OPCML: variants seen among roughly 807,000 people sequenced by gnomAD.
OPCML encodes the protein opioid-binding protein/cell adhesion molecule.
A neutral mutation model predicts 37.8 loss-of-function variants in OPCML; 13 were observed. The ratio of observed to expected loss-of-function variants is 0.34; its 90% CI spans 0.22 to 0.55. OPCML has a LOEUF of 0.55. Among genes scored for constraint, OPCML ranks in the 20% least tolerant of loss-of-function variants. The pLI is 0.91. For missense variants in OPCML, 341 were observed against 435.6 expected (o/e 0.78, Z 1.93); for synonymous variants, 176 against 168.8 (o/e 1.04, Z -0.33).
chr11:132,436,687 C>T lies in OPCML; in HGVS notation c.736G>A (p.Glu246Lys), dbSNP rs1329936282. 6.2e-7 allele frequency: 1 copy of T among 1,614,188 alleles called. No homozygotes were observed. Among genetic ancestry groups the T allele is most frequent in the East Asian group, 2.2e-5 (1 of 44,868 alleles). ...SCEASAVPMA[E>K]FQWFKEETRL... Reference sequence around the variant, plus strand: ...GTTTCTTCCTTGAACCACTGGAATTCAGCCATGGGGACTGCAGAGGCTTCA... The same window carrying T: ...GTTTCTTCCTTGAACCACTGGAATTTAGCCATGGGGACTGCAGAGGCTTCA... The change falls in exon 6 of 8, where the codon GAA (glutamate) becomes AAA (lysine). Residue 246 changes from glutamate to lysine, a missense_variant. Coordinates refer to ENST00000524381, the MANE Select transcript of OPCML (RefSeq NM_001012393.5).
At chr11:133,434,823 T>TATATAC (rs1228363623) in intron 1 of OPCML, among the ~76,000 whole-genome samples, 15 of 140,642 alleles carry the variant, frequency 1.1e-4, no homozygotes, top group African/African-American at 3.5e-4. Flanking sequence ...TATATATATA[T>TATATAC]ACACACACAT....
At chr11:133,189,898 A>T (rs750124812) in intron 1 of OPCML, among the ~76,000 whole-genome samples, 38 of 152,202 alleles carry the variant, frequency 2.5e-4, no homozygotes, top group Non-Finnish European at 4.9e-4. Context: ...ACACTCTTCT[A>T]ATTGAACAGG....
At chr11:133,422,686 A>G in intron 1 of OPCML, 1 of 984,428 alleles carries the variant, frequency 1.0e-6, no homozygotes, top group Non-Finnish European at 1.2e-6. Flanking sequence ...TTATTATGTC[A>G]TGAGGAAATA....
chr11:133,351,847 T>C (rs1043016966), intron 1 of OPCML, among the ~76,000 whole-genome samples: 1 of 152,110 alleles, frequency 6.6e-6, no homozygotes, highest in African/African-American at 2.4e-5. Context: ...AACCTTGAGA[T>C]GCTTCAGTCT....
rs11223330 is a variant in OPCML at position 133,022,618 on chromosome 11, C to T, written c.62-79608G>A. On this transcript the variant is annotated intron_variant, in intron 1 of 7. Coordinates refer to ENST00000524381, the MANE Select transcript of OPCML (RefSeq NM_001012393.5). ...ATTTTTTAATATCTGTAATGTGCCA[C>T]CCAACCAAGGTGGAACAGAAGTCCA... 5.5e-4 allele frequency among the ~76,000 whole-genome samples: 84 copies of T among 152,088 alleles called. No homozygotes were observed. In the East Asian group the frequency reaches 0.013, roughly 23 times the overall value.
chr11:133,150,968 A>G (rs186488219), intron 1 of OPCML, among the ~76,000 whole-genome samples: 96 of 152,042 alleles, frequency 6.3e-4, no homozygotes, highest in Middle Eastern at 3.4e-3. Flanking sequence ...CTCCAAAGCT[A>G]TTTCAGAGAC....
intron 3 of OPCML, among the ~76,000 whole-genome samples, chr11:132,577,608 T>A (rs1053406596): frequency 6.6e-6 from 1 of 152,108 alleles, no homozygotes; most frequent in African/African-American, 2.4e-5. Flanking sequence ...AAACTATGAG[T>A]CATTTTATTT....
intron 1 of OPCML, chr11:133,423,182 A>C (rs1945928408): frequency 1.6e-5 from 16 of 985,056 alleles, no homozygotes; most frequent in Non-Finnish European, 1.8e-5. Flanking sequence ...AAGAATTTTA[A>C]CTTTATTCTT....
chr11:132,931,300 A>T (rs2136630703), intron 2 of OPCML, among the ~76,000 whole-genome samples: 1 of 152,304 alleles, frequency 6.6e-6, no homozygotes, highest in East Asian at 1.9e-4. Context: ...GACAAAAGGA[A>T]AAAACAAGAA....
At position 133,015,134 on chromosome 11, in the gene OPCML, T is replaced by C. The variant is rs74629077; in HGVS notation, c.62-72124A>G. ...ACAATATACAGGTAATAAATTTACA[T>C]AGATCTGACAATACCAGATAGATAG... On this transcript the variant is annotated intron_variant, in intron 1 of 7. Transcript: ENST00000524381. Among the ~76,000 whole-genome samples, 533 of 152,206 alleles carry C rather than the reference T, an allele frequency of 3.5e-3. 2 individuals carry two copies. Among genetic ancestry groups the C allele is most frequent in the African/African-American group, 0.012 (499 of 41,524 alleles).
intron 1 of OPCML, among the ~76,000 whole-genome samples, chr11:133,000,075 G>A (rs1946969855): frequency 1.3e-5 from 2 of 151,934 alleles, no homozygotes; most frequent in Non-Finnish European, 2.9e-5. Context: ...TTTTTGTTTT[G>A]AGACACAGTC....
At chr11:132,931,213 A>C (rs1362864149) in intron 2 of OPCML, among the ~76,000 whole-genome samples, 1 of 152,176 alleles carries the variant, frequency 6.6e-6, no homozygotes, top group African/African-American at 2.4e-5. Context: ...TATTAAAAAA[A>C]ATTTTAAGAT....
intron 2 of OPCML, among the ~76,000 whole-genome samples, chr11:132,788,314 C>T (rs1937649616): frequency 6.6e-6 from 1 of 152,200 alleles, no homozygotes; most frequent in East Asian, 1.9e-4. Context: ...AAACTTGGAA[C>T]TTATCCTTGA....
chr11:133,491,022 A>G (rs538712320), intron 1 of OPCML, among the ~76,000 whole-genome samples: 2 of 152,348 alleles, frequency 1.3e-5, no homozygotes, highest in East Asian at 3.9e-4. Flanking sequence ...ACTGCCTGAC[A>G]GAGAGTGAGT....
At chr11:132,673,176 T>C (rs1228046176) in intron 2 of OPCML, among the ~76,000 whole-genome samples, 1 of 152,178 alleles carries the variant, frequency 6.6e-6, no homozygotes, top group African/African-American at 2.4e-5. Context: ...AGTGGTATCG[T>C]CCTTCCTGAC....
chr11:133,521,879 G>A (rs1391553914), intron 1 of OPCML, among the ~76,000 whole-genome samples: 1 of 152,216 alleles, frequency 6.6e-6, no homozygotes, highest in Non-Finnish European at 1.5e-5. Flanking sequence ...TCCTAGAATG[G>A]AAATTCTCAT....
At chr11:133,367,967 T>A (rs1434097254) in intron 1 of OPCML, among the ~76,000 whole-genome samples, 2 of 152,334 alleles carry the variant, frequency 1.3e-5, no homozygotes, top group African/African-American at 2.4e-5. Context: ...CCTGGCCAGC[T>A]ACAAAGATGG....
At chr11:132,691,155 C>T (rs1331573358) in intron 2 of OPCML, among the ~76,000 whole-genome samples, 2 of 152,182 alleles carry the variant, frequency 1.3e-5, no homozygotes, top group African/African-American at 4.8e-5. Context: ...CAGATAATTT[C>T]TCCTTTGTTC....
intron 1 of OPCML, among the ~76,000 whole-genome samples, chr11:133,479,087 C>T (rs1001835022): frequency 1.3e-5 from 2 of 152,156 alleles, no homozygotes; most frequent in Non-Finnish European, 2.9e-5. Flanking sequence ...ACTTATGTAG[C>T]GTTTAGCACA....
Sources: allele counts gnomAD v4.1 joint callset (sites outside exome capture counted in the v4.1 genomes callset), GRCh38; gene constraint gnomAD v4.1.1; transcripts MANE v1.5; gene names NCBI Gene and HGNC (gene_info 2026-07-23, HGNC 2026-07-21).